Variants in ACBD3 observed in about 807,000 individuals in gnomAD.
ACBD3 encodes the protein Golgi resident protein GCP60.
ACBD3 carries 30 observed loss-of-function variants against 66.9 expected under a neutral mutation model. That is an observed-to-expected ratio of 0.45 (90% CI 0.34 to 0.61). ACBD3 has a LOEUF of 0.61. Ranked by LOEUF, ACBD3 falls within the 20% of genes least tolerant of loss-of-function variation. ACBD3 has a pLI of 0.02. For missense variants in ACBD3, 544 were observed against 664.5 expected, an observed-to-expected ratio of 0.82 and a Z score of 1.99; for synonymous variants, 278 against 259.8, an observed-to-expected ratio of 1.07 and a Z score of -0.68.
chr1:226,164,491 T>C (rs2102782267), intron 3 of ACBD3, among the ~76,000 whole-genome samples: 2 of 152,248 alleles, frequency 1.3e-5, no homozygotes, highest in South Asian at 4.1e-4. Context: ...GAGGGAGTGG[T>C]TGAGTTTATG....
Position 226,155,129 on chromosome 1 carries a change from A to T in ACBD3, c.904-296T>A, listed in dbSNP as rs1426966997. ...CCATAAAAACTAACCAGGAAAAATG[A>T]AAGTAAGGCCAGCCAAAGTGGCTCA... On this transcript the variant is annotated intron_variant, in intron 5 of 7. Transcript: ENST00000366812. The T allele has an allele frequency of 2.0e-5, 4 of 200,990 alleles. No individual in the cohort carries two copies. The Admixed American group carries it at 2.4e-4, about 12-fold the overall frequency. The allele number at this position is 200,990 out of a possible 1,614,324, so 12.5% of individuals were successfully genotyped here.
chr1:226,174,760 C>T (rs189055402), intron 1 of ACBD3, among the ~76,000 whole-genome samples: 2 of 151,256 alleles, frequency 1.3e-5, no homozygotes, highest in East Asian at 2.0e-4. Context: ...AGCCAGACTC[C>T]GTCTCAAAAA....
At chr1:226,151,622 A>T (rs1471959846) in intron 7 of ACBD3, among the ~76,000 whole-genome samples, 1 of 152,226 alleles carries the variant, frequency 6.6e-6, no homozygotes, top group African/African-American at 2.4e-5. Flanking sequence ...TACATAAAAA[A>T]TTTTAGAATA....
chr1:226,155,859 T>C (rs11590418), intron 5 of ACBD3, among the ~76,000 whole-genome samples: 414 of 152,374 alleles, frequency 2.7e-3, no homozygotes, highest in Admixed American at 4.8e-3. Context: ...TATATAGTTA[T>C]GATTGAAATG....
intron 1 of ACBD3, among the ~76,000 whole-genome samples, chr1:226,166,440 C>T (rs139364596): frequency 1.3e-5 from 2 of 150,840 alleles, no homozygotes; most frequent in East Asian, 2.0e-4. Context: ...CCAATTACTA[C>T]ATTTTATTAA....
rs550387330 is a variant in ACBD3, at chr1:226,158,554, T to C, written c.903+630A>G. ...AAGAGCAGAACAATCAGAGCAGTAA[T>C]AACTTGTCTGAGATCAAACAAGGTA... On this transcript the variant is annotated intron_variant, in intron 5 of 7. Coordinates refer to ENST00000366812, the MANE Select transcript of ACBD3 (RefSeq NM_022735.4). Among the ~76,000 whole-genome samples the C allele has an allele frequency of 5.6e-4, 85 of 152,298 alleles. No individual in the cohort carries two copies. In the Middle Eastern group the frequency reaches 0.01, roughly 18 times the overall value.
chr1:226,164,753 C>A (rs772622765), intron 3 of ACBD3, 36 bp downstream of exon 3: 2 of 1,591,504 alleles, frequency 1.3e-6, no homozygotes, highest in Non-Finnish European at 1.7e-6. Flanking sequence ...CACTGGGCTG[C>A]GCAGCAATAA....
Position 226,146,560 on chromosome 1 carries a change from A to T in ACBD3, c.*50T>A. On this transcript the variant is annotated 3_prime_UTR_variant, in exon 8 of 8. Coordinates refer to ENST00000366812, the MANE Select transcript of ACBD3 (RefSeq NM_022735.4). The stretch of plus-strand genomic sequence containing the variant: ...AAAAGTAAAAAGAAATTTCCAAATT[A>T]AATGTCATCTTCTGCCCAACCCTAG... 1 of 1,504,218 alleles carries T rather than the reference A, an allele frequency of 6.6e-7. No individual in the cohort carries two copies. Among genetic ancestry groups the T allele is most frequent in the Non-Finnish European group, 9.2e-7 (1 of 1,088,802 alleles). 93.2% of individuals were successfully genotyped at this position (1,504,218 alleles called of 1,614,324 possible).
Position 226,145,521 on chromosome 1 carries a change from C to A in ACBD3, c.*1089G>T, listed in dbSNP as rs1659430294. The A allele has an allele frequency of 6.6e-6, 1 of 152,572 alleles. No individual in the cohort carries two copies. The highest frequency in any genetic ancestry group is 2.1e-4 in the South Asian group (1 of 4,832). 9.5% of individuals were successfully genotyped at this position (152,572 alleles called of 1,614,324 possible). ...TCAGTAAGGAAAAAAAGATGTACCTCTTCCCGTCAATAAAGAAATAACACA... is the reference window on the plus strand; with the variant it reads ...TCAGTAAGGAAAAAAAGATGTACCTATTCCCGTCAATAAAGAAATAACACA... On this transcript the variant is annotated 3_prime_UTR_variant, in exon 8 of 8. Transcript: ENST00000366812.
chr1:226,179,303 C>T lies in ACBD3; in HGVS notation c.286+7087G>A, dbSNP rs375661561. Among the ~76,000 whole-genome samples, 25 of 152,256 alleles carry T rather than the reference C, an allele frequency of 1.6e-4. No individual in the cohort carries two copies. In the East Asian group the frequency reaches 4.1e-3, roughly 25 times the overall value. ...ATAATGGCAGGGACTTGAATTCCCA[C>T]TAGGTACAAGTTGCTCTCTTCTGAA... On this transcript the variant is annotated intron_variant, in intron 1 of 7. Coordinates refer to ENST00000366812, the MANE Select transcript of ACBD3 (RefSeq NM_022735.4).
chr1:226,183,839 G>A lies in ACBD3; in HGVS notation c.286+2551C>T, dbSNP rs1261347400. 7.2e-5 allele frequency among the ~76,000 whole-genome samples: 10 copies of A among 139,778 alleles called. No individual in the cohort carries two copies. The East Asian group carries it at 1.8e-3, about 25-fold the overall frequency. The allele number at this position is 139,778 out of a possible 152,430, so 91.7% of individuals were successfully genotyped here. Reference sequence around the variant, plus strand: ...GCAGAGGTTGCAGTGAGCTGAGATCGCGCCATTGCACTCTAGCCTGAGCAA... The same window carrying A: ...GCAGAGGTTGCAGTGAGCTGAGATCACGCCATTGCACTCTAGCCTGAGCAA... On this transcript the variant is annotated intron_variant, in intron 1 of 7. Coordinates refer to ENST00000366812, the MANE Select transcript of ACBD3 (RefSeq NM_022735.4).
At chr1:226,167,685 TAGC>T (rs1445721025) in intron 1 of ACBD3, among the ~76,000 whole-genome samples, 1 of 152,148 alleles carries the variant, frequency 6.6e-6, no homozygotes, top group Non-Finnish European at 1.5e-5. Flanking sequence ...CACTTGAAAG[TAGC>T]ATATGCTACT....
intron 7 of ACBD3, among the ~76,000 whole-genome samples, chr1:226,150,638 A>G (rs1159213896): frequency 6.6e-6 from 1 of 152,086 alleles, no homozygotes; most frequent in Admixed American, 6.5e-5. Context: ...CGGCCTCCCA[A>G]AGTGTTGGGA....
intron 4 of ACBD3, among the ~76,000 whole-genome samples, chr1:226,159,632 T>C (rs569610074): frequency 6.6e-6 from 1 of 152,186 alleles, no homozygotes; most frequent in Non-Finnish European, 1.5e-5. Flanking sequence ...ATTATTAACA[T>C]TTATTGTGCC....
At position 226,186,715 on chromosome 1, in the gene ACBD3, C is replaced by A. The variant is rs763630567; in HGVS notation, c.-40G>T. On this transcript the variant is annotated 5_prime_UTR_variant, in exon 1 of 8. Coordinates refer to ENST00000366812, the MANE Select transcript of ACBD3 (RefSeq NM_022735.4). Reference sequence around the variant, plus strand: ...CCTCCTCAGCGGGGACAGACGGCAGCCACGTATCGACTTCCTGCTGACCTC... The same window carrying A: ...CCTCCTCAGCGGGGACAGACGGCAGACACGTATCGACTTCCTGCTGACCTC... 1.4e-6 allele frequency: 2 copies of A among 1,441,910 alleles called. No individual in the cohort carries two copies. Among genetic ancestry groups the A allele is most frequent in the Admixed American group, 2.6e-5 (1 of 38,648 alleles). The allele number at this position is 1,441,910 out of a possible 1,614,324, so 89.3% of individuals were successfully genotyped here. A position where few individuals can be genotyped will look rare whatever the true frequency, so the allele number is the denominator to read the frequency against.
In ACBD3 at chr1:226,146,761, A is replaced by G. The variant is rs1204700200; in HGVS notation, c.1436T>C (p.Ile479Thr). ...ACAGTCCCGTCGGTACACAGGCACA[A>G]TCTCATCCAGCAAAGGCTTGTTGGC... The part of the protein sequence containing the change: ...KNANKPLLDE[I>T]VPVYRRDCHE... Residue 479 changes from isoleucine (I) to threonine (T), a missense_variant, in exon 8 of 8, where the codon ATT becomes ACT. By Grantham distance (89) the Ile-to-Thr change is moderately conservative. This residue lies in a region of ACBD3 where 383 missense variants were observed against 462.4 expected (regional missense o/e 0.83). Coordinates refer to ENST00000366812, the MANE Select transcript of ACBD3 (RefSeq NM_022735.4). 1 of 1,614,124 alleles carries G rather than the reference A, an allele frequency of 6.2e-7. No individual in the cohort carries two copies. Among genetic ancestry groups the G allele is most frequent in the Non-Finnish European group, 8.5e-7 (1 of 1,180,012 alleles).
At chr1:226,180,172 C>CCA (rs1656139870) in intron 1 of ACBD3, among the ~76,000 whole-genome samples, 6 of 58,236 alleles carry the variant, frequency 1.0e-4, no homozygotes, top group East Asian at 9.1e-4. Context: ...CTCTGTCTCC[C>CCA]AAAAAAAAAA....
chr1:226,160,092 C>T (rs1483828717), intron 4 of ACBD3, among the ~76,000 whole-genome samples: 2 of 143,602 alleles, frequency 1.4e-5, no homozygotes, highest in Non-Finnish European at 3.1e-5. Flanking sequence ...CCACATGCTT[C>T]TTCTTTTTTT....
In ACBD3 at chr1:226,165,328, C is replaced by T. The variant is rs148713032; in HGVS notation, c.429-399G>A. On this transcript the variant is annotated intron_variant, in intron 2 of 7. Transcript: ENST00000366812. ...TAGGATTACAGGCATGTGCCACTAC[C>T]GCCGGCTAATTTTTTAATTTTTAGT... Among the ~76,000 whole-genome samples, 99 of 152,006 alleles carry T rather than the reference C, an allele frequency of 6.5e-4. No homozygotes were observed. The South Asian group carries it at 8.5e-3, about 13-fold the overall frequency.
Sources: allele counts gnomAD v4.1 joint callset (sites outside exome capture counted in the v4.1 genomes callset), GRCh38; gene constraint gnomAD v4.1.1; regional missense constraint gnomAD v4.1.1; transcripts MANE v1.5; gene names NCBI Gene and HGNC (gene_info 2026-07-23, HGNC 2026-07-21).